OCA2: variants seen among roughly 807,000 people sequenced by gnomAD.
OCA2 encodes the protein OCA2 melanosomal transmembrane protein.
In OCA2, 77 loss-of-function variants were observed where a neutral mutation model predicts 100.2. The ratio of observed to expected loss-of-function variants is 0.77; its 90% CI spans 0.64 to 0.93. The LOEUF is 0.93. OCA2 is among the 40% of genes least tolerant of loss of function. The pLI is 0.00. For synonymous variants in OCA2, 432 were observed against 439.2 expected (o/e 0.98, Z 0.21); for missense variants, 1,062 against 1,089.1 (o/e 0.98, Z 0.35).
intron 19 of OCA2, among the ~76,000 whole-genome samples, chr15:27,904,213 G>A (rs2038079738): frequency 6.6e-6 from 1 of 152,100 alleles, no homozygotes; most frequent in Non-Finnish European, 1.5e-5. Flanking sequence ...TCCCTCGCTC[G>A]CTCCAAAATC....
chr15:28,037,245 T>A (rs534512176), intron 2 of OCA2, among the ~76,000 whole-genome samples: 19 of 151,092 alleles, frequency 1.3e-4, no homozygotes, highest in African/African-American at 3.9e-4. Flanking sequence ...GGGACCAAAA[T>A]AAATCAAGCA....
chr15:27,749,151 C>T, the OCA2 span, among the ~76,000 whole-genome samples: 13 of 152,056 alleles, frequency 8.5e-5, no homozygotes, highest in African/African-American at 2.7e-4. Flanking sequence ...CAAAGAAATC[C>T]ATACTAAGCC....
rs958052263 is a variant in OCA2 at position 27,839,081 on chromosome 15, A to T, written c.2432+5878T>A. 3.9e-5 allele frequency among the ~76,000 whole-genome samples: 6 copies of T among 152,328 alleles called. No homozygotes were observed. In the South Asian group the frequency reaches 6.2e-4, roughly 16 times the overall value. ...TGCGTGGAGAAAGAAGGGAAGAGAA[A>T]AGTACTGTAGAATAAACTTATCAGT... On this transcript the variant is annotated intron_variant, in intron 23 of 23. Coordinates refer to ENST00000354638, the MANE Select transcript of OCA2 (RefSeq NM_000275.3).
At chr15:27,964,081 T>C (rs991698732) in intron 15 of OCA2, among the ~76,000 whole-genome samples, 2 of 152,208 alleles carry the variant, frequency 1.3e-5, no homozygotes, top group Non-Finnish European at 2.9e-5. Flanking sequence ...GCCATCCCTA[T>C]ATGTATATTA....
At position 27,893,747 on chromosome 15, in the gene OCA2, C is replaced by G. The variant is rs1465449217; in HGVS notation, c.2080-21825G>C. Reference sequence around the variant, plus strand: ...TCAGACCAGTTCTCTGCTCTCGAACCCTGTTTTCTGTTGTTTAAGATGTTT... The same window carrying G: ...TCAGACCAGTTCTCTGCTCTCGAACGCTGTTTTCTGTTGTTTAAGATGTTT... On this transcript the variant is annotated intron_variant, in intron 19 of 23. Transcript: ENST00000354638. Among the ~76,000 whole-genome samples the G allele has an allele frequency of 5.9e-5, 9 of 152,242 alleles. No individual in the cohort carries two copies. In the East Asian group the frequency reaches 1.5e-3, roughly 26 times the overall value.
intron 1 of OCA2, among the ~76,000 whole-genome samples, chr15:28,097,494 T>C (rs56140938): frequency 6.6e-6 from 1 of 152,280 alleles, no homozygotes; most frequent in Non-Finnish European, 1.5e-5. Context: ...GCCTCCAGGC[T>C]CTGGGCTTTC....
rs147168989 is a variant in OCA2 at position 27,918,621 on chromosome 15, T to A, written c.2079+7506A>T. On this transcript the variant is annotated intron_variant, in intron 19 of 23. Transcript: ENST00000354638. ...CACAAATGAAAATTCTTTGTTTTGT[T>A]CTAGTTGAAAACATATTATATCCCT... 1.2e-3 allele frequency among the ~76,000 whole-genome samples: 182 copies of A among 152,348 alleles called. 1 individual carries two copies. Among genetic ancestry groups the A allele is most frequent in the African/African-American group, 4.1e-3 (169 of 41,566 alleles).
intron 23 of OCA2, among the ~76,000 whole-genome samples, chr15:27,810,882 T>C (rs1287839848): frequency 6.6e-6 from 1 of 152,170 alleles, no homozygotes; most frequent in African/African-American, 2.4e-5. Flanking sequence ...TAGATGTTGA[T>C]GTGGATGTCA....
intron 23 of OCA2, among the ~76,000 whole-genome samples, chr15:27,815,876 A>G (rs1429752649): frequency 6.6e-6 from 1 of 152,270 alleles, no homozygotes; most frequent in Non-Finnish European, 1.5e-5. Flanking sequence ...TCACGCCTAT[A>G]ATCCCAGCAC....
At position 27,770,969 on chromosome 15, in the gene OCA2, C is replaced by T. The variant is rs1232933845; in HGVS notation, c.2433-15497G>A. On this transcript the variant is annotated intron_variant, in intron 23 of 23. Transcript: ENST00000354638. ...TTGCTTCCATCTTTCCTTCCTCCCTCCCTTCCTTTCCTTCTTTCTTCCTTC... is the reference window on the plus strand; with the variant it reads ...TTGCTTCCATCTTTCCTTCCTCCCTTCCTTCCTTTCCTTCTTTCTTCCTTC... Among the ~76,000 whole-genome samples, 8 of 53,946 alleles carry T rather than the reference C, an allele frequency of 1.5e-4. No homozygotes were observed. The East Asian group carries it at 2.3e-3, about 16-fold the overall frequency. 35.4% of individuals were successfully genotyped at this position (53,946 alleles called of 152,430 possible). A position where few individuals can be genotyped will look rare whatever the true frequency, so the allele number is the denominator to read the frequency against.
chr15:28,083,031 CTG>C, intron 1 of OCA2, among the ~76,000 whole-genome samples: 1 of 152,346 alleles, frequency 6.6e-6, no homozygotes, highest in East Asian at 1.9e-4. Flanking sequence ...CCAGGACTGA[CTG>C]TGCACTTTGG....
chr15:27,892,793 G>A (rs1246758974), intron 19 of OCA2, among the ~76,000 whole-genome samples: 1 of 152,086 alleles, frequency 6.6e-6, no homozygotes, highest in East Asian at 1.9e-4. Context: ...GGTAAAATCA[G>A]TTAAATTGAC....
At chr15:27,926,343 C>A in intron 18 of OCA2, 89 bp from the exon 19 acceptor site, 1 of 1,418,176 alleles carries the variant, frequency 7.1e-7, no homozygotes, top group Admixed American at 1.7e-5. Flanking sequence ...TTTTCTTTAT[C>A]AAGAATAATT....
chr15:27,972,767 C>T (rs1460644810), intron 14 of OCA2, among the ~76,000 whole-genome samples: 4 of 151,234 alleles, frequency 2.6e-5, no homozygotes, highest in Non-Finnish European at 5.9e-5. Context: ...TTGTCAGATT[C>T]ATAGTTTGCA....
chr15:27,978,948 A>C (rs780288925), intron 14 of OCA2, among the ~76,000 whole-genome samples: 24 of 152,140 alleles, frequency 1.6e-4, no homozygotes, highest in Non-Finnish European at 2.5e-4. Flanking sequence ...CGGCCTCCCA[A>C]AGTGCTGGGA....
intron 23 of OCA2, among the ~76,000 whole-genome samples, chr15:27,801,526 T>C (rs1048925849): frequency 3.6e-4 from 42 of 116,980 alleles, no homozygotes; most frequent in Non-Finnish European, 6.3e-4. Context: ...CACTTCAGCC[T>C]GGCGACAGAG....
At chr15:27,773,540 C>A (rs2032015265) in intron 23 of OCA2, among the ~76,000 whole-genome samples, 1 of 152,190 alleles carries the variant, frequency 6.6e-6, no homozygotes, top group Non-Finnish European at 1.5e-5. Flanking sequence ...TATCAGGTTA[C>A]ATTTGTGAGT....
intron 19 of OCA2, among the ~76,000 whole-genome samples, chr15:27,921,858 T>A (rs12908643): frequency 6.6e-6 from 1 of 151,932 alleles, no homozygotes. Context: ...TGCACCACCA[T>A]GCCAGCTAAT....
chr15:27,800,923 CAT>C (rs34634396), intron 23 of OCA2, among the ~76,000 whole-genome samples: 83,116 of 151,740 alleles, frequency 0.55, 23,197 homozygotes, highest in South Asian at 0.76. Context: ...ACCAAGACTG[CAT>C]CACTGTACTC....
Sources: allele counts gnomAD v4.1 joint callset (sites outside exome capture counted in the v4.1 genomes callset), GRCh38; gene constraint gnomAD v4.1.1; transcripts MANE v1.5; gene names NCBI Gene and HGNC (gene_info 2026-07-23, HGNC 2026-07-21).